ZSCAN5A: variants seen among roughly 807,000 people sequenced by gnomAD.
ZSCAN5A encodes zinc finger and SCAN domain-containing protein 5A.
In ZSCAN5A, 12 loss-of-function variants were observed where a neutral mutation model predicts 23.7. The ratio of observed to expected loss-of-function variants is 0.51; its 90% confidence interval spans 0.32 to 0.82. The LOEUF is 0.82. ZSCAN5A is among the 40% of genes least tolerant of loss of function. ZSCAN5A has a pLI of 0.03. For missense variants in ZSCAN5A, 597 were observed against 617.9 expected, an observed-to-expected ratio of 0.97 and a Z score of 0.36; for synonymous variants, 257 against 239.9, an observed-to-expected ratio of 1.07 and a Z score of -0.66.
chr19:56,321,025 A>G (rs1299599970), intron 2 of ZSCAN5A: 1 of 703,624 alleles, frequency 1.4e-6, no homozygotes, highest in Non-Finnish European at 2.7e-6. Context: ...TGCTGTAGTA[A>G]TAAGACTTCT....
intron 2 of ZSCAN5A, among the ~76,000 whole-genome samples, chr19:56,280,199 C>T (rs2038584942): frequency 6.6e-6 from 1 of 152,194 alleles, no homozygotes; most frequent in South Asian, 2.1e-4. Context: ...ACACACTGTT[C>T]TGTATGCACC....
intron 3 of ZSCAN5A, 39 bp from the exon 4 acceptor site, chr19:56,223,873 A>G (rs763298218): frequency 6.4e-7 from 1 of 1,557,118 alleles, no homozygotes; most frequent in South Asian, 1.1e-5. Context: ...CACCATGAGA[A>G]CCTGAAAGTA....
chr19:56,225,149 A>T lies in ZSCAN5A; in HGVS notation c.-103T>A. ...AGGCTTCCTCTGGTTTTCCTCAGTA[A>T]TAGATTCACTGTTCATTCAGAAGTC... On this transcript the variant is annotated 5_prime_UTR_variant, in exon 3 of 6. Transcript: ENST00000683990. 1 of 1,486,720 alleles carries T rather than the reference A, an allele frequency of 6.7e-7. No individual in the cohort carries two copies. The highest frequency in any genetic ancestry group is 8.9e-7 in the Non-Finnish European group (1 of 1,128,400). The allele number at this position is 1,486,720 out of a possible 1,614,324, so 92.1% of individuals were successfully genotyped here. A position where few individuals can be genotyped will look rare whatever the true frequency, so the allele number is the denominator to read the frequency against.
intron 2 of ZSCAN5A, among the ~76,000 whole-genome samples, chr19:56,334,577 C>T (rs1362599814): frequency 6.6e-6 from 1 of 152,052 alleles, no homozygotes; most frequent in Admixed American, 6.5e-5. Context: ...GGGTATCCAT[C>T]ACCCCAAGAA....
chr19:56,238,560 C>T (rs1396776192), intron 2 of ZSCAN5A, among the ~76,000 whole-genome samples: 1 of 152,118 alleles, frequency 6.6e-6, no homozygotes, highest in African/African-American at 2.4e-5. Context: ...CTCTTGAGCC[C>T]AGGGGTTCAA....
At chr19:56,280,493 A>G (rs2038610428) in intron 2 of ZSCAN5A, 1 of 152,182 alleles carries the variant, frequency 6.6e-6, no homozygotes. Context: ...ATACATGGAA[A>G]TATGTAGAAT....
intron 2 of ZSCAN5A, among the ~76,000 whole-genome samples, chr19:56,253,581 G>A (rs899711676): frequency 6.6e-6 from 1 of 151,540 alleles, no homozygotes; most frequent in Non-Finnish European, 1.5e-5. Flanking sequence ...CCATCGGTGT[G>A]CTGGCAAGAC....
intron 2 of ZSCAN5A, chr19:56,310,119 C>G (rs1431126152): frequency 6.6e-6 from 1 of 152,316 alleles, no homozygotes; most frequent in East Asian, 1.9e-4. Context: ...TCTCTCCTTT[C>G]TTAGGGATGA....
intron 2 of ZSCAN5A, among the ~76,000 whole-genome samples, chr19:56,241,505 G>C (rs1275162442): frequency 6.6e-6 from 1 of 152,180 alleles, no homozygotes; most frequent in Non-Finnish European, 1.5e-5. Flanking sequence ...AGCATAATGT[G>C]CTTTGTAGGA....
intron 2 of ZSCAN5A, among the ~76,000 whole-genome samples, chr19:56,261,241 A>T (rs2146859508): frequency 6.6e-6 from 1 of 152,182 alleles, no homozygotes; most frequent in East Asian, 1.9e-4. Context: ...TAGGGAGCTT[A>T]AGTGACAGAG....
At chr19:56,364,061 A>G (rs1447984181) in intron 1 of ZSCAN5A, among the ~76,000 whole-genome samples, 8 of 152,208 alleles carry the variant, frequency 5.3e-5, no homozygotes. Context: ...AAGGCATTTC[A>G]GAGACCTCTG....
rs373710751 is a variant in ZSCAN5A at position 56,323,835 on chromosome 19, C to T, written c.-357-7567G>A. On this transcript the variant is annotated intron_variant, in intron 2 of 6. Transcript: ENST00000587340. The stretch of plus-strand genomic sequence containing the variant: ...ACAGTCATGAGCCACCATGCCTGGC[C>T]GGCAGAACTTTTTTTTTTATAGATA... 2.3e-4 allele frequency among the ~76,000 whole-genome samples: 35 copies of T among 150,270 alleles called. No homozygotes were observed. In the South Asian group the frequency reaches 3.2e-3, roughly 14 times the overall value.
At chr19:56,302,435 CCTTCCTTT>C (rs1476654049) in intron 2 of ZSCAN5A, among the ~76,000 whole-genome samples, 2 of 108,872 alleles carry the variant, frequency 1.8e-5, no homozygotes, top group South Asian at 3.1e-4. Flanking sequence ...TTTCTCCCTT[CCTTCCTTT>C]CTTCCTCTCT....
chr19:56,239,342 A>G (rs1322517757), intron 2 of ZSCAN5A, among the ~76,000 whole-genome samples: 1 of 152,240 alleles, frequency 6.6e-6, no homozygotes, highest in Admixed American at 6.5e-5. Flanking sequence ...CCAAATTGTA[A>G]CCTAATCATG....
At chr19:56,244,206 A>T (rs1426882362) in intron 2 of ZSCAN5A, 1 of 1,608,808 alleles carries the variant, frequency 6.2e-7, no homozygotes, top group Admixed American at 1.7e-5. Context: ...TGCCCAGAGG[A>T]GTCGGACCCC....
At chr19:56,228,485 G>C in intron 2 of ZSCAN5A, 3 of 967,446 alleles carry the variant, frequency 3.1e-6, no homozygotes, top group Non-Finnish European at 3.7e-6. Context: ...CATGCCTACT[G>C]TGCAAATATT....
chr19:56,245,429 A>G (rs1600079916), intron 2 of ZSCAN5A: 3 of 668,912 alleles, frequency 4.5e-6, no homozygotes, highest in Non-Finnish European at 8.2e-6. Context: ...AAGGCAGGTG[A>G]GTGTGTGAGG....
chr19:56,338,955 A>T (rs1184315845), intron 2 of ZSCAN5A, among the ~76,000 whole-genome samples: 1 of 152,230 alleles, frequency 6.6e-6, no homozygotes, highest in Non-Finnish European at 1.5e-5. Context: ...CTTGACAGTG[A>T]CGTAATGTAT....
chr19:56,236,844 T>C (rs1193065319), intron 2 of ZSCAN5A, among the ~76,000 whole-genome samples: 12 of 138,760 alleles, frequency 8.6e-5, no homozygotes, highest in Admixed American at 7.1e-5. Context: ...CAACCTCTGA[T>C]TGACCGTGGG....
Sources: gnomAD v4.1 joint callset for allele counts (sites outside exome capture counted in the v4.1 genomes callset) on GRCh38, gnomAD v4.1.1 for gene constraint, MANE v1.5 for transcripts, NCBI Gene and HGNC (gene_info 2026-07-23, HGNC 2026-07-21) for gene names.